MAG: variants seen among roughly 807,000 people sequenced by gnomAD.
The protein encoded by MAG is myelin associated glycoprotein.
In MAG, 30 loss-of-function variants were observed where a neutral mutation model predicts 60.7. That is an observed-to-expected ratio of 0.49 (90% CI 0.37 to 0.67). The LOEUF is 0.67. Among genes scored for constraint, MAG ranks in the 30% least tolerant of loss-of-function variants. The pLI, the probability that MAG is intolerant of heterozygous loss-of-function variation, is 0.00. For synonymous variants in MAG, 384 were observed against 376.8 expected (o/e 1.02, Z -0.22); for missense variants, 795 against 851.7 (o/e 0.93, Z 0.83).
rs1293155336 is a variant in MAG at position 35,297,791 on chromosome 19, C to CACACAT, written c.416-1760_416-1759insCATACA. 2.2e-4 allele frequency among the ~76,000 whole-genome samples: 32 copies of CACACAT among 147,994 alleles called. 1 individual carries two copies. The East Asian group carries it at 6.6e-3, about 30-fold the overall frequency. ...ACTGTACACATACATGCGCCACCCCCACATCACAACACAAACCACACACCC... is the reference window on the plus strand; with the variant it reads ...ACTGTACACATACATGCGCCACCCCCACACATACATCACAACACAAACCACACACCC... On this transcript the variant is annotated intron_variant, in intron 4 of 10. Transcript: ENST00000392213.
At chr19:35,308,662 T>G (rs1216726844) in intron 7 of MAG, among the ~76,000 whole-genome samples, 1 of 152,228 alleles carries the variant, frequency 6.6e-6, no homozygotes, top group African/African-American at 2.4e-5. Context: ...ATCAAAAGGC[T>G]TTTTGCAAAT....
At chr19:35,312,320 C>G in intron 10 of MAG, 1 of 1,613,006 alleles carries the variant, frequency 6.2e-7, no homozygotes, top group Non-Finnish European at 8.5e-7. Context: ...CTGAGTGCCC[C>G]AGGAGGTAGG....
chr19:35,302,799 T>C, intron 7 of MAG, 91 bp downstream of exon 7: 2 of 1,513,262 alleles, frequency 1.3e-6, no homozygotes, highest in South Asian at 2.4e-5. Context: ...CCAATCAGTA[T>C]TGGCTTTGCC....
chr19:35,300,419 C>T lies in MAG; in HGVS notation c.970+15C>T. ...CAGTGTCATGTGTGAGTGGCCCACTCTGTGCGTCCACACGCCCACCTGCAG... is the reference window on the plus strand; with the variant it reads ...CAGTGTCATGTGTGAGTGGCCCACTTTGTGCGTCCACACGCCCACCTGCAG... On this transcript the variant is annotated intron_variant, in intron 6 of 10. Transcript: ENST00000392213. The T allele has an allele frequency of 1.9e-6, 3 of 1,548,038 alleles. No homozygotes were observed. Among genetic ancestry groups the T allele is most frequent in the Non-Finnish European group, 1.7e-6 (2 of 1,147,040 alleles).
intron 8 of MAG, 37 bp downstream of exon 8, chr19:35,310,198 G>A: frequency 1.3e-6 from 2 of 1,578,090 alleles, no homozygotes; most frequent in Admixed American, 3.5e-5. Flanking sequence ...GCCACAGGAG[G>A]GAGCGGGCAC....
At chr19:35,308,883 G>C (rs1367395697) in intron 7 of MAG, among the ~76,000 whole-genome samples, 1 of 152,218 alleles carries the variant, frequency 6.6e-6, no homozygotes, top group Non-Finnish European at 1.5e-5. Context: ...GGGAGGCTGA[G>C]GCGGGAGGAT....
chr19:35,296,120 A>C, intron 4 of MAG, 139 bp downstream of exon 4: 1 of 1,191,976 alleles, frequency 8.4e-7, no homozygotes, highest in Non-Finnish European at 1.2e-6. Flanking sequence ...TGGGGGTGCA[A>C]ACCTCAAGGC....
At chr19:35,292,807 C>G (rs2066366911) in intron 1 of MAG, among the ~76,000 whole-genome samples, 1 of 151,954 alleles carries the variant, frequency 6.6e-6, no homozygotes, top group African/African-American at 2.4e-5. Flanking sequence ...ACTATATTGC[C>G]CAGGCTGGTC....
intron 5 of MAG, 144 bp downstream of exon 5, chr19:35,299,994 T>C: frequency 1.0e-5 from 1 of 96,870 alleles, no homozygotes; most frequent in East Asian, 2.1e-4. Flanking sequence ...ATTGGGGGGT[T>C]GGGTGGGACG....
chr19:35,302,518 C>A lies in MAG; in HGVS notation c.1041C>A (p.Cys347Ter). 1 of 1,614,208 alleles carries A rather than the reference C, an allele frequency of 6.2e-7. No homozygotes were observed. Among genetic ancestry groups the A allele is most frequent in the Non-Finnish European group, 8.5e-7 (1 of 1,180,046 alleles). The change falls in exon 7 of 11, where the codon TGC (cysteine) becomes TGA (stop). Residue 347 changes from cysteine to a stop codon, truncating the protein, a stop_gained. Coordinates refer to ENST00000392213, the MANE Select transcript of MAG (RefSeq NM_002361.4). LOFTEE classifies it high-confidence loss of function. ...AGGGGGAGACGGTCTCTATCTTGTG[C>A]TCCACACAGAGCAACCCGGACCCTA... ...AVEGETVSILCSTQSNPDPIL... is the reference protein window; with the variant it reads ...AVEGETVSIL
chr19:35,312,366 C>T (rs1259634402), intron 10 of MAG: 4 of 1,565,996 alleles, frequency 2.6e-6, no homozygotes, highest in African/African-American at 1.3e-5. Flanking sequence ...TCTGGGCCCT[C>T]CTTGGGCCCT....
intron 10 of MAG, chr19:35,312,626 G>C (rs1049289381): frequency 1.9e-6 from 1 of 518,316 alleles, no homozygotes; most frequent in Non-Finnish European, 3.4e-6. Context: ...AGGACCCATG[G>C]GGGGGCACGT....
At position 35,310,036 on chromosome 19, in the gene MAG, G is replaced by T; in HGVS notation, c.1394G>T (p.Arg465Leu). The T allele has an allele frequency of 6.2e-7, 1 of 1,613,870 alleles. No homozygotes were observed. The highest frequency in any genetic ancestry group is 8.5e-7 in the Non-Finnish European group (1 of 1,179,920). Residue 465 changes from arginine to leucine, a missense_variant, in exon 8 of 11, where the codon CGC becomes CTC. Arg to Leu is a moderately radical substitution (Grantham distance 102). Transcript: ENST00000392213. The part of the protein sequence containing the change: ...ESEREFVYSE[R>L]SGLVLTSILT... ...GAGCGGGAGTTCGTGTACTCGGAGC[G>T]CAGCGGCCTCGTGCTCACCAGCATC...
chr19:35,298,273 C>A (rs1384407838), intron 4 of MAG, among the ~76,000 whole-genome samples: 1 of 150,938 alleles, frequency 6.6e-6, no homozygotes, highest in Non-Finnish European at 1.5e-5. Context: ...ATGCACAACA[C>A]ACACTACAAA....
At chr19:35,297,151 A>G (rs2066404137) in intron 4 of MAG, among the ~76,000 whole-genome samples, 1 of 149,222 alleles carries the variant, frequency 6.7e-6, no homozygotes, top group Non-Finnish European at 1.5e-5. Flanking sequence ...CACACCAAAC[A>G]CACACCACAC....
rs199610108 is a variant in MAG, at chr19:35,310,085, G to C, written c.1443G>C (p.Gln481His). The C allele has an allele frequency of 4.3e-6, 7 of 1,612,896 alleles. No individual in the cohort carries two copies. In the African/African-American group the frequency reaches 6.7e-5, roughly 15 times the overall value. The change falls in exon 8 of 11, where the codon CAG becomes CAC. Residue 481 changes from glutamine to histidine, a missense_variant. Transcript: ENST00000392213. ...TSILTLRGQA[Q>H]APPRVICTAR... ...TCCTCACGCTGCGGGGGCAGGCCCA[G>C]GCCCCGCCCCGCGTCATCTGCACCG...
intron 5 of MAG, 43 bp from the exon 6 acceptor site, chr19:35,300,103 TC>T: frequency 6.7e-7 from 1 of 1,495,022 alleles, no homozygotes. Flanking sequence ...CTGGGCCGGT[TC>T]CCCAGCACCT....
In MAG at chr19:35,299,675, G is replaced by A. The variant is rs201920156; in HGVS notation, c.537G>A (p.Gly179=). Residue 179 remains glycine (G), a synonymous_variant, in exon 5 of 11, where the codon GGG becomes GGA. Transcript: ENST00000392213. ...RPELSWLGHE[G]LGEPAVLGRL... is the part of the protein sequence containing the mutation. ...AGCTGAGCTGGCTGGGCCACGAGGG[G>A]CTGGGGGAGCCCGCTGTGCTGGGCC... 5.6e-6 allele frequency: 9 copies of A among 1,601,512 alleles called. No individual in the cohort carries two copies. The highest frequency in any genetic ancestry group is 7.7e-6 in the Non-Finnish European group (9 of 1,174,870).
intron 10 of MAG, chr19:35,312,336 G>T: frequency 6.2e-7 from 1 of 1,611,298 alleles, no homozygotes. Context: ...GTAGGTTCCG[G>T]GGGCCTCAGT....
Sources: gnomAD v4.1 joint callset for allele counts (sites outside exome capture counted in the v4.1 genomes callset) on GRCh38, gnomAD v4.1.1 for gene constraint, MANE v1.5 for transcripts, NCBI Gene and HGNC (gene_info 2026-07-23, HGNC 2026-07-21) for gene names.